EPHA6: variants seen among roughly 807,000 people sequenced by gnomAD.
EPHA6 encodes the protein EPH receptor A6.
EPHA6 carries 50 observed loss-of-function variants against 112.0 expected under a neutral mutation model. The ratio of observed to expected loss-of-function variants is 0.45; its 90% CI spans 0.36 to 0.56. The LOEUF (loss-of-function observed/expected upper bound fraction) is 0.56. Ranked by LOEUF, EPHA6 falls within the 20% of genes least tolerant of loss-of-function variation. The pLI is 0.00. For synonymous variants in EPHA6, 529 were observed against 490.7 expected (o/e 1.08, Z -1.03); for missense variants, 1,280 against 1,417.4 (o/e 0.90, Z 1.56).
intron 5 of EPHA6, among the ~76,000 whole-genome samples, chr3:97,295,201 C>T (rs1445889149): frequency 6.6e-6 from 1 of 152,168 alleles, no homozygotes; most frequent in African/African-American, 2.4e-5. Flanking sequence ...CCTTCTGGAA[C>T]ACCCAAAATT....
chr3:97,357,275 C>T (rs552112885), intron 5 of EPHA6, among the ~76,000 whole-genome samples: 15 of 152,180 alleles, frequency 9.9e-5, no homozygotes, highest in African/African-American at 3.6e-4. Flanking sequence ...GATGTGATCT[C>T]GGCTCACTGC....
chr3:97,213,839 A>G (rs754061323), intron 3 of EPHA6, among the ~76,000 whole-genome samples: 8 of 152,238 alleles, frequency 5.3e-5, no homozygotes, highest in Admixed American at 2.6e-4. Flanking sequence ...TTGGGATGAT[A>G]TTGATGTAAC....
chr3:96,878,891 C>A (rs1261904812), intron 2 of EPHA6, among the ~76,000 whole-genome samples: 1 of 151,056 alleles, frequency 6.6e-6, no homozygotes, highest in Non-Finnish European at 1.5e-5. Flanking sequence ...CTGATTTATC[C>A]TCAATATTTA....
At chr3:97,108,001 A>G (rs1384577104) in intron 3 of EPHA6, among the ~76,000 whole-genome samples, 1 of 152,172 alleles carries the variant, frequency 6.6e-6, no homozygotes, top group Non-Finnish European at 1.5e-5. Flanking sequence ...TAGAATTGTT[A>G]TTGTATATAA....
intron 2 of EPHA6, among the ~76,000 whole-genome samples, chr3:96,886,040 T>G (rs1469630912): frequency 6.6e-6 from 1 of 152,216 alleles, no homozygotes; most frequent in South Asian, 2.1e-4. Flanking sequence ...TTTTGATGGT[T>G]CCTCTTGGAG....
At chr3:97,630,703 C>T (rs921193501) in intron 13 of EPHA6, among the ~76,000 whole-genome samples, 5 of 151,948 alleles carry the variant, frequency 3.3e-5, no homozygotes, top group African/African-American at 1.2e-4. Flanking sequence ...AAAGATGAAA[C>T]GTCCAATAAG....
In EPHA6 at chr3:97,752,518, C is replaced by G. The variant is rs2035927494; in HGVS notation, c.*3817C>G. On this transcript the variant is annotated 3_prime_UTR_variant, in exon 18 of 18. Coordinates refer to ENST00000389672, the MANE Select transcript of EPHA6 (RefSeq NM_001080448.3). Reference sequence around the variant, plus strand: ...TCTTTATTCCTTTCTCAGCTTCTATCACGCCACACATTATCTCAATCAGCA... The same window carrying G: ...TCTTTATTCCTTTCTCAGCTTCTATGACGCCACACATTATCTCAATCAGCA... The G allele has an allele frequency of 1.4e-5, 3 of 219,782 alleles. No individual in the cohort carries two copies. The East Asian group carries it at 2.0e-4, about 15-fold the overall frequency. The allele number at this position is 219,782 out of a possible 1,614,324, so 13.6% of individuals were successfully genotyped here.
chr3:97,258,877 T>TCTA (rs1435584193), intron 5 of EPHA6, among the ~76,000 whole-genome samples: 3 of 143,962 alleles, frequency 2.1e-5, no homozygotes, highest in Non-Finnish European at 4.4e-5. Flanking sequence ...CAATCAACAT[T>TCTA]CTATATCATT....
At chr3:97,206,683 C>T (rs887407532) in intron 3 of EPHA6, among the ~76,000 whole-genome samples, 3 of 151,980 alleles carry the variant, frequency 2.0e-5, no homozygotes, top group Admixed American at 6.6e-5. Context: ...ATTTAATCTC[C>T]GTGTCTAATA....
At chr3:97,230,313 TA>T (rs1162596305) in intron 4 of EPHA6, among the ~76,000 whole-genome samples, 2 of 152,028 alleles carry the variant, frequency 1.3e-5, no homozygotes, top group East Asian at 3.9e-4. Flanking sequence ...CAAAGAAAAA[TA>T]AATATGGGCT....
At chr3:97,422,560 C>T (rs1388829207) in intron 6 of EPHA6, among the ~76,000 whole-genome samples, 3 of 152,074 alleles carry the variant, frequency 2.0e-5, no homozygotes, top group Admixed American at 6.6e-5. Flanking sequence ...ATGTTTGAGA[C>T]GTAAAATCAG....
At chr3:97,154,899 A>C (rs1165330730) in intron 3 of EPHA6, among the ~76,000 whole-genome samples, 1 of 152,188 alleles carries the variant, frequency 6.6e-6, no homozygotes. Context: ...TACTTTATTC[A>C]CATTTTAGAC....
At chr3:96,976,346 G>A (rs1293133952) in intron 2 of EPHA6, among the ~76,000 whole-genome samples, 1 of 152,070 alleles carries the variant, frequency 6.6e-6, no homozygotes, top group Non-Finnish European at 1.5e-5. Context: ...GAGTGTTGCT[G>A]TCCTTTGAAC....
At chr3:96,881,704 C>T (rs1022317434) in intron 2 of EPHA6, among the ~76,000 whole-genome samples, 6 of 152,198 alleles carry the variant, frequency 3.9e-5, no homozygotes, top group African/African-American at 7.2e-5. Flanking sequence ...AGTGCAGAGT[C>T]CAAAGTCTCA....
chr3:97,195,280 G>T (rs1014973346), intron 3 of EPHA6, among the ~76,000 whole-genome samples: 1 of 151,772 alleles, frequency 6.6e-6, no homozygotes, highest in Non-Finnish European at 1.5e-5. Context: ...AGATAGCCAC[G>T]AGGCTTGCAA....
intron 5 of EPHA6, among the ~76,000 whole-genome samples, chr3:97,313,478 G>A (rs1000288663): frequency 1.1e-4 from 17 of 151,358 alleles, no homozygotes; most frequent in Admixed American, 8.6e-4. Flanking sequence ...TAATATACCC[G>A]TACTAATTTT....
At chr3:97,600,745 A>C (rs975893282) in intron 12 of EPHA6, among the ~76,000 whole-genome samples, 1 of 152,046 alleles carries the variant, frequency 6.6e-6, no homozygotes, top group Non-Finnish European at 1.5e-5. Context: ...TGTTCTATAT[A>C]TAAAGTTATG....
intron 2 of EPHA6, among the ~76,000 whole-genome samples, chr3:96,873,555 C>T (rs1480894669): frequency 3.9e-5 from 6 of 152,090 alleles, no homozygotes; most frequent in South Asian, 2.1e-4. Flanking sequence ...TTGCAATGAA[C>T]GGTCCTGAAA....
rs1454034919 is a variant in EPHA6, at chr3:97,031,604, AAAAC to A, written c.1114+43618_1114+43621del. On this transcript the variant is annotated intron_variant, in intron 3 of 17. Transcript: ENST00000389672. Reference sequence around the variant, plus strand: ...TGAACTCAAACAAGTTTACAAGAAAAAAACAAACAACCCCATCAAAAAGTGGGCA... The same window carrying A: ...TGAACTCAAACAAGTTTACAAGAAAAAAACAACCCCATCAAAAAGTGGGCA... Among the ~76,000 whole-genome samples, 9 of 152,272 alleles carry A rather than the reference AAAAC, an allele frequency of 5.9e-5. No homozygotes were observed. In the South Asian group the frequency reaches 1.2e-3, roughly 21 times the overall value.
Sources: gnomAD v4.1 joint callset for allele counts (sites outside exome capture counted in the v4.1 genomes callset) on GRCh38, gnomAD v4.1.1 for gene constraint, MANE v1.5 for transcripts, NCBI Gene and HGNC (gene_info 2026-07-23, HGNC 2026-07-21) for gene names.